The following NRXN3 variants were observed in gnomAD, a reference collection of about 807,000 sequenced individuals.
The protein encoded by NRXN3 is neurexin III.
A neutral mutation model predicts 137.6 loss-of-function variants in NRXN3; 32 were observed. The observed-to-expected ratio is 0.23, with a 90% confidence interval of 0.18 to 0.31. NRXN3 has a LOEUF of 0.31. NRXN3 is among the 10% of genes least tolerant of loss of function. NRXN3 has a pLI of 1.00. For missense variants in NRXN3, 1,574 were observed against 2,062.5 expected (o/e 0.76, Z 4.59); for synonymous variants, 798 against 784.5 (o/e 1.02, Z -0.29).
chr14:78,561,672 G>T (rs552800347), intron 4 of NRXN3, among the ~76,000 whole-genome samples: 13 of 152,082 alleles, frequency 8.5e-5, no homozygotes. Context: ...ACTCTACCTC[G>T]AACACTCTTC....
chr14:79,693,522 C>G (rs559448875), intron 18 of NRXN3, among the ~76,000 whole-genome samples: 1 of 152,000 alleles, frequency 6.6e-6, no homozygotes, highest in East Asian at 1.9e-4. Context: ...TCACTTTAAA[C>G]AGGAAAAGCA....
At chr14:78,368,376 T>C (rs941433290) in intron 4 of NRXN3, among the ~76,000 whole-genome samples, 11 of 152,270 alleles carry the variant, frequency 7.2e-5, no homozygotes, top group African/African-American at 2.4e-4. Flanking sequence ...CTGGTGGGAT[T>C]TTATTTCTAT....
At chr14:79,410,447 C>G (rs1228972065) in intron 15 of NRXN3, among the ~76,000 whole-genome samples, 5 of 150,976 alleles carry the variant, frequency 3.3e-5, no homozygotes, top group Non-Finnish European at 7.4e-5. Context: ...TTTATATTGT[C>G]AATAACTATT....
intron 15 of NRXN3, among the ~76,000 whole-genome samples, chr14:79,339,271 T>C (rs1734997688): frequency 6.6e-6 from 1 of 152,182 alleles, no homozygotes; most frequent in African/African-American, 2.4e-5. Flanking sequence ...ACAAAATCAT[T>C]CTAAGCTGTA....
intron 15 of NRXN3, among the ~76,000 whole-genome samples, chr14:79,221,394 T>G (rs2069644236): frequency 6.6e-6 from 1 of 152,186 alleles, no homozygotes; most frequent in Admixed American, 6.5e-5. Context: ...TTCCTATTTC[T>G]TCACATCCTC....
At chr14:79,356,439 T>C (rs1276724473) in intron 15 of NRXN3, among the ~76,000 whole-genome samples, 1 of 152,208 alleles carries the variant, frequency 6.6e-6, no homozygotes, top group African/African-American at 2.4e-5. Context: ...GTTTAGCCAT[T>C]GGTGTCATGT....
intron 15 of NRXN3, among the ~76,000 whole-genome samples, chr14:79,338,484 C>T (rs2092414440): frequency 6.6e-6 from 1 of 152,080 alleles, no homozygotes; most frequent in Admixed American, 6.5e-5. Context: ...AGAGCTCAGG[C>T]TTTAGAATCC....
At chr14:79,671,554 G>C (rs1211124841) in intron 17 of NRXN3, among the ~76,000 whole-genome samples, 1 of 151,978 alleles carries the variant, frequency 6.6e-6, no homozygotes, top group Non-Finnish European at 1.5e-5. Flanking sequence ...CCATATCTAT[G>C]CAAAAAGAAA....
intron 16 of NRXN3, among the ~76,000 whole-genome samples, chr14:79,574,534 A>T (rs1449934895): frequency 6.6e-6 from 1 of 152,096 alleles, no homozygotes; most frequent in Admixed American, 6.6e-5. Flanking sequence ...TTATTGTATC[A>T]TTATTATTAC....
chr14:78,742,885 C>A (rs903845898), intron 8 of NRXN3, among the ~76,000 whole-genome samples: 1 of 152,164 alleles, frequency 6.6e-6, no homozygotes, highest in African/African-American at 2.4e-5. Flanking sequence ...CTACTTCTTG[C>A]AAATAAACAG....
chr14:79,750,520 A>G (rs1193500955), intron 19 of NRXN3, among the ~76,000 whole-genome samples: 1 of 152,128 alleles, frequency 6.6e-6, no homozygotes, highest in African/African-American at 2.4e-5. Context: ...TCTCTATTCT[A>G]TGACATACTT....
At chr14:78,751,517 T>C (rs147459023) in intron 8 of NRXN3, among the ~76,000 whole-genome samples, 217 of 152,288 alleles carry the variant, frequency 1.4e-3, no homozygotes, top group Middle Eastern at 3.4e-3. Flanking sequence ...GCTCTGTTTG[T>C]ACAGCTAGCG....
At chr14:78,831,218 C>A (rs1173384446) in intron 10 of NRXN3, among the ~76,000 whole-genome samples, 1 of 152,038 alleles carries the variant, frequency 6.6e-6, no homozygotes, top group African/African-American at 2.4e-5. Flanking sequence ...CAAATTATAG[C>A]ATGCAGGTAT....
intron 10 of NRXN3, among the ~76,000 whole-genome samples, chr14:78,896,322 A>G: frequency 6.6e-6 from 1 of 151,888 alleles, no homozygotes; most frequent in Admixed American, 6.6e-5. Flanking sequence ...AGGGAAAGTA[A>G]AACATATTTT....
intron 15 of NRXN3, among the ~76,000 whole-genome samples, chr14:79,082,406 T>TGTGC (rs1300591058): frequency 6.6e-6 from 1 of 151,880 alleles, no homozygotes; most frequent in African/African-American, 2.4e-5. Context: ...TGTGTGTGTG[T>TGTGC]GTGTGTGTGT....
chr14:79,337,487 C>T (rs761198034), intron 15 of NRXN3, among the ~76,000 whole-genome samples: 24 of 152,122 alleles, frequency 1.6e-4, no homozygotes, highest in Non-Finnish European at 2.8e-4. Context: ...CGATATATTG[C>T]TTTCTTCCAT....
chr14:78,368,163 C>T (rs576424528), intron 4 of NRXN3, among the ~76,000 whole-genome samples: 22 of 152,290 alleles, frequency 1.4e-4, no homozygotes, highest in Non-Finnish European at 2.6e-4. Context: ...TTCCTTATCC[C>T]CTATCCCATT....
chr14:78,274,638 A>T (rs1162354336), intron 2 of NRXN3, among the ~76,000 whole-genome samples: 1 of 152,236 alleles, frequency 6.6e-6, no homozygotes, highest in Admixed American at 6.5e-5. Flanking sequence ...TGCTGAGCAT[A>T]TGCACTTGTG....
rs146444892 is a variant in NRXN3 at position 78,908,080 on chromosome 14, T to G, written c.2276-49162T>G. Among the ~76,000 whole-genome samples the G allele has an allele frequency of 4.6e-5, 7 of 152,214 alleles. No individual in the cohort carries two copies. In the East Asian group the frequency reaches 7.7e-4, roughly 17 times the overall value. On this transcript the variant is annotated intron_variant, in intron 10 of 20. Transcript: ENST00000335750. Reference sequence around the variant, plus strand: ...TAGGTTGATTCCATGTCTTTGTTATTGTGAACAGTGCTGCAGTGAACGTAA... The same window carrying G: ...TAGGTTGATTCCATGTCTTTGTTATGGTGAACAGTGCTGCAGTGAACGTAA...
Sources: gnomAD v4.1 joint callset for allele counts (sites outside exome capture counted in the v4.1 genomes callset) on GRCh38, gnomAD v4.1.1 for gene constraint, MANE v1.5 for transcripts, NCBI Gene and HGNC (gene_info 2026-07-23, HGNC 2026-07-21) for gene names.